The following RAP1B variants were observed in gnomAD, a reference collection of about 807,000 sequenced individuals.
The protein encoded by RAP1B is RAP1B, member of RAS oncogene family.
A neutral mutation model predicts 27.5 loss-of-function variants in RAP1B; 1 was observed. That is an observed-to-expected ratio of 0.04 (90% CI 0.01 to 0.17). The LOEUF is 0.17. Ranked by LOEUF, RAP1B falls within the 10% of genes least tolerant of loss-of-function variation. The probability of loss-of-function intolerance (pLI) is 1.00; values close to 1 mark genes in which losing one functional copy is unlikely to be tolerated. For synonymous variants in RAP1B, 75 were observed against 73.1 expected, an observed-to-expected ratio of 1.03 and a Z score of -0.13; for missense variants, 84 against 214.8, an observed-to-expected ratio of 0.39 and a Z score of 3.81.
intron 1 of RAP1B, among the ~76,000 whole-genome samples, chr12:68,616,902 A>G (rs948626014): frequency 6.6e-6 from 1 of 152,178 alleles, no homozygotes. Flanking sequence ...AAAAATATAC[A>G]GTGAACTGAT....
rs374039091 is a variant in RAP1B at position 68,654,099 on chromosome 12, C to T, written c.184-13C>T. 3.8e-6 allele frequency: 6 copies of T among 1,567,588 alleles called. No individual in the cohort carries two copies. The highest frequency in any genetic ancestry group is 1.4e-5 in the African/African-American group (1 of 73,422). ...CATTATTGTTTTTTAACGTTCCTTT[C>T]TTTCTATTGTAGGAGCAATTTACAG... On this transcript the variant is annotated splice_polypyrimidine_tract_variant and intron_variant, in intron 4 of 7. Coordinates refer to ENST00000250559, the MANE Select transcript of RAP1B (RefSeq NM_001010942.3).
At chr12:68,639,944 G>C (rs1184368649) in intron 1 of RAP1B, among the ~76,000 whole-genome samples, 1 of 151,698 alleles carries the variant, frequency 6.6e-6, no homozygotes, top group East Asian at 1.9e-4. Flanking sequence ...GGGTTCAAGC[G>C]ATTCTCCTGC....
At chr12:68,638,340 C>T (rs374440852) in intron 1 of RAP1B, among the ~76,000 whole-genome samples, 10 of 152,082 alleles carry the variant, frequency 6.6e-5, no homozygotes, top group Admixed American at 3.9e-4. Flanking sequence ...ATGTCATGTC[C>T]GTGCCCTAAT....
chr12:68,614,587 G>T (rs1399381565), intron 1 of RAP1B, among the ~76,000 whole-genome samples: 8 of 151,756 alleles, frequency 5.3e-5, no homozygotes, highest in African/African-American at 1.9e-4. Flanking sequence ...CTAAAAATAT[G>T]CCCTGGGTTT....
chr12:68,613,701 G>A (rs1870782830), intron 1 of RAP1B, among the ~76,000 whole-genome samples: 1 of 152,024 alleles, frequency 6.6e-6, no homozygotes, highest in South Asian at 2.1e-4. Context: ...TTCCTAGCGC[G>A]TTGCCTGGGC....
intron 1 of RAP1B, among the ~76,000 whole-genome samples, chr12:68,619,296 G>GTATTTA (rs945740220): frequency 1.1e-4 from 16 of 152,140 alleles, no homozygotes; most frequent in South Asian, 4.1e-4. Flanking sequence ...AATAGTGGTA[G>GTATTTA]TATTTATGGT....
At chr12:68,611,825 C>G (rs1592410436) in intron 1 of RAP1B, among the ~76,000 whole-genome samples, 1 of 152,142 alleles carries the variant, frequency 6.6e-6, no homozygotes. Flanking sequence ...TCTTTTTCGC[C>G]ATCTCGAGGT....
Position 68,669,271 on chromosome 12 carries a change from A to G in RAP1B, c.*10022A>G, listed in dbSNP as rs192691557. On this transcript the variant is annotated 3_prime_UTR_variant, in exon 8 of 8. Coordinates refer to ENST00000250559, the MANE Select transcript of RAP1B (RefSeq NM_001010942.3). ...AGGACATAAATCAAGATCTGAACAA[A>G]TACACTGGGAAGATAATATCATAAA... 2.0e-4 allele frequency: 31 copies of G among 152,254 alleles called. No individual in the cohort carries two copies. Among genetic ancestry groups the G allele is most frequent in the Non-Finnish European group, 3.8e-4 (26 of 68,040 alleles). The allele number at this position is 152,254 out of a possible 1,614,324, so 9.4% of individuals were successfully genotyped here. A position where few individuals can be genotyped will look rare whatever the true frequency, so the allele number is the denominator to read the frequency against.
rs1592416234 is a variant in RAP1B, at chr12:68,615,991, TCCCACTCTGTCG to T, written c.-27+4953_-27+4964del. ...GATTTTTTTTTTTTTTGAGATGGAGTCCCACTCTGTCGCCCAGGCTGGAGTGCAGTGGCACGG... is the reference window on the plus strand; with the variant it reads ...GATTTTTTTTTTTTTTGAGATGGAGTCCCAGGCTGGAGTGCAGTGGCACGG... On this transcript the variant is annotated intron_variant, in intron 1 of 7. Coordinates refer to ENST00000250559, the MANE Select transcript of RAP1B (RefSeq NM_001010942.3). Among the ~76,000 whole-genome samples, 6 of 150,574 alleles carry T rather than the reference TCCCACTCTGTCG, an allele frequency of 4.0e-5. 1 individual carries two copies. The East Asian group carries it at 1.2e-3, about 29-fold the overall frequency.
At chr12:68,645,264 G>T (rs942355798) in intron 1 of RAP1B, among the ~76,000 whole-genome samples, 3 of 152,270 alleles carry the variant, frequency 2.0e-5, no homozygotes, top group East Asian at 1.9e-4. Context: ...GCTCTGAAAG[G>T]TTTCGTGACT....
rs1875063128 is a variant in RAP1B at position 68,670,951 on chromosome 12, C to T, written c.*11702C>T. On this transcript the variant is annotated 3_prime_UTR_variant, in exon 8 of 8. Coordinates refer to ENST00000250559, the MANE Select transcript of RAP1B (RefSeq NM_001010942.3). Reference sequence around the variant, plus strand: ...GCTGAGGCAGGAGAATTGCTTGAACCTAGGAGGCGAAAGTTGCAGTGAGCC... The same window carrying T: ...GCTGAGGCAGGAGAATTGCTTGAACTTAGGAGGCGAAAGTTGCAGTGAGCC... 4 of 150,504 alleles carry T rather than the reference C, an allele frequency of 2.7e-5. No homozygotes were observed. 9.3% of individuals were successfully genotyped at this position (150,504 alleles called of 1,614,324 possible).
At chr12:68,641,629 A>G (rs1415233145) in intron 1 of RAP1B, among the ~76,000 whole-genome samples, 1 of 152,208 alleles carries the variant, frequency 6.6e-6, no homozygotes, top group Non-Finnish European at 1.5e-5. Flanking sequence ...AGTTGCAGTC[A>G]CGCAAATTTT....
chr12:68,650,969 A>G (rs1271374857), intron 3 of RAP1B: 2 of 152,342 alleles, frequency 1.3e-5, no homozygotes, highest in Admixed American at 6.5e-5. Flanking sequence ...ATGAAATAGA[A>G]TGGGACCCAC....
chr12:68,626,898 A>G lies in RAP1B; in HGVS notation c.-27+15855A>G, dbSNP rs1024774771. ...TGAGTGCAGGGCCCGCCACTTGTCC[A>G]CAGGGCCACGATTGGAAATGTACTT... On this transcript the variant is annotated intron_variant, in intron 1 of 7. Coordinates refer to ENST00000250559, the MANE Select transcript of RAP1B (RefSeq NM_001010942.3). The G allele has an allele frequency of 5.1e-6, 8 of 1,573,616 alleles. No homozygotes were observed. The African/African-American group carries it at 9.4e-5, about 19-fold the overall frequency.
chr12:68,629,998 A>G (rs1183429139), intron 1 of RAP1B, among the ~76,000 whole-genome samples: 2 of 152,186 alleles, frequency 1.3e-5, no homozygotes, highest in African/African-American at 2.4e-5. Context: ...CATTAATACA[A>G]CCCTGTCTCT....
At chr12:68,657,933 CT>C (rs1433760331) in intron 7 of RAP1B, among the ~76,000 whole-genome samples, 1 of 150,746 alleles carries the variant, frequency 6.6e-6, no homozygotes, top group Non-Finnish European at 1.5e-5. Context: ...TTTCCTTCAA[CT>C]TTTAAGTTCC....
chr12:68,640,228 C>T (rs926314021), intron 1 of RAP1B, among the ~76,000 whole-genome samples: 1 of 152,126 alleles, frequency 6.6e-6, no homozygotes, highest in Non-Finnish European at 1.5e-5. Context: ...ATTGACAGGA[C>T]TCTTTGTGTA....
intron 6 of RAP1B, 175 bp downstream of exon 6, chr12:68,656,624 C>A: frequency 1.6e-6 from 1 of 641,278 alleles, no homozygotes; most frequent in Non-Finnish European, 2.7e-6. Flanking sequence ...AATACTATTT[C>A]AGTCTCTATT....
At chr12:68,639,349 G>C (rs1872837008) in intron 1 of RAP1B, among the ~76,000 whole-genome samples, 1 of 152,024 alleles carries the variant, frequency 6.6e-6, no homozygotes, top group Non-Finnish European at 1.5e-5. Context: ...CAAGAATTAA[G>C]TGATTTATCT....
Sources: gnomAD v4.1 joint callset for allele counts (sites outside exome capture counted in the v4.1 genomes callset) on GRCh38, gnomAD v4.1.1 for gene constraint, MANE v1.5 for transcripts, NCBI Gene and HGNC (gene_info 2026-07-23, HGNC 2026-07-21) for gene names.